Variants in LIPA observed in about 807,000 individuals in gnomAD.
The protein encoded by LIPA is lysosomal acid lipase/cholesteryl ester hydrolase.
Under a neutral mutation model 40.6 loss-of-function variants are expected in LIPA, and 26 were observed. The ratio of observed to expected loss-of-function variants is 0.64; its 90% CI spans 0.47 to 0.89. The LOEUF (loss-of-function observed/expected upper bound fraction) is 0.89, where lower values mean the gene tolerates loss of function less well. Among genes scored for constraint, LIPA ranks in the 40% least tolerant of loss-of-function variants. LIPA has a pLI of 0.00. For synonymous variants in LIPA, 188 were observed against 168.4 expected, an observed-to-expected ratio of 1.12 and a Z score of -0.90; for missense variants, 455 against 479.6, an observed-to-expected ratio of 0.95 and a Z score of 0.48.
intron 3 of LIPA, among the ~76,000 whole-genome samples, chr10:89,233,290 C>CA (rs950956690): frequency 5.3e-5 from 8 of 152,172 alleles, no homozygotes; most frequent in African/African-American, 1.7e-4. Flanking sequence ...CCAAGCACTG[C>CA]AAAGGGTACT....
At position 89,237,911 on chromosome 10, in the gene LIPA, G is replaced by A. The variant is rs562216442; in HGVS notation, c.229+7765C>T. Among the ~76,000 whole-genome samples, 216 of 152,238 alleles carry A rather than the reference G, an allele frequency of 1.4e-3. 1 individual carries two copies. Among genetic ancestry groups the A allele is most frequent in the African/African-American group, 4.9e-3 (205 of 41,538 alleles). ...ATCAGGAGGTCATAAGGACCTTTAA[G>A]GCTCATTACACACATACACTATGGA... is the stretch of plus-strand genomic sequence containing the variant. On this transcript the variant is annotated intron_variant, in intron 3 of 9. Transcript: ENST00000336233.
intron 1 of LIPA, among the ~76,000 whole-genome samples, chr10:89,264,240 G>A (rs1843224195): frequency 6.6e-6 from 1 of 152,192 alleles, no homozygotes; most frequent in African/African-American, 2.4e-5. Context: ...CTGAGTTCTT[G>A]TCCCACATCC....
intron 1 of LIPA, among the ~76,000 whole-genome samples, chr10:89,274,026 A>G (rs555360151): frequency 3.9e-4 from 60 of 152,354 alleles, no homozygotes; most frequent in South Asian, 1.9e-3. Flanking sequence ...TCTTAACAGA[A>G]AAAGTTTGCC....
At position 89,214,925 on chromosome 10, in the gene LIPA, C is replaced by A; in HGVS notation, c.1103G>T (p.Ser368Ile). ...GTCAAGATGCTCCCATTCCGGAATGCTCTCATGGAACACCAAGTTGGTGAT... is the reference window on the plus strand; with the variant it reads ...GTCAAGATGCTCCCATTCCGGAATGATCTCATGGAACACCAAGTTGGTGAT... ...TQITNLVFHE[S>I]IPEWEHLDFI... The change falls in exon 10 of 10, where the codon AGC becomes ATC. Residue 368 changes from serine (S) to isoleucine (I), a missense_variant. Coordinates refer to ENST00000336233, the MANE Select transcript of LIPA (RefSeq NM_000235.4). The A allele has an allele frequency of 1.9e-6, 3 of 1,614,062 alleles. No homozygotes were observed. The South Asian group carries it at 3.3e-5, about 18-fold the overall frequency.
chr10:89,233,519 GTTTCGTGCAAACC>G (rs1328124977), intron 3 of LIPA, among the ~76,000 whole-genome samples: 2 of 152,210 alleles, frequency 1.3e-5, no homozygotes, highest in African/African-American at 4.8e-5. Context: ...CATACATTAC[GTTTCGTGCAAACC>G]TTTAGTGGTG....
chr10:89,365,534 G>T (rs2133594485), intron 2 of LIPA, among the ~76,000 whole-genome samples: 1 of 152,260 alleles, frequency 6.6e-6, no homozygotes, highest in South Asian at 2.1e-4. Flanking sequence ...CCATGCGTAT[G>T]TCCTGAATGG....
At chr10:89,338,709 C>T (rs1235194720) in intron 1 of LIPA, 7 of 1,612,938 alleles carry the variant, frequency 4.3e-6, no homozygotes, top group Non-Finnish European at 5.9e-6. Context: ...AGCTGAAATG[C>T]CATTTCACCT....
intron 1 of LIPA, among the ~76,000 whole-genome samples, chr10:89,323,989 A>G (rs1189106806): frequency 6.6e-6 from 1 of 152,242 alleles, no homozygotes; most frequent in Non-Finnish European, 1.5e-5. Flanking sequence ...CAAAAAGAAC[A>G]AAGCTGGAGG....
In LIPA at chr10:89,351,782, C is replaced by A. The variant is rs185934529; in HGVS notation, c.61+61009G>T. Among the ~76,000 whole-genome samples the A allele has an allele frequency of 2.1e-4, 32 of 152,260 alleles. No homozygotes were observed. The East Asian group carries it at 4.6e-3, about 22-fold the overall frequency. On this transcript the variant is annotated intron_variant, in intron 2 of 8. Transcript: ENST00000371837. ...TTGTCAGGCTTAGAGTCTTAATTGA[C>A]CCACTCAAAAAATACGCGCATCACC...
At chr10:89,339,260 T>TGA (rs1172418500) in intron 1 of LIPA, 2 of 1,614,210 alleles carry the variant, frequency 1.2e-6, no homozygotes, top group South Asian at 2.2e-5. Flanking sequence ...GCCATTGAGC[T>TGA]GAGTCCTGAT....
intron 1 of LIPA, chr10:89,308,108 T>C (rs1843494538): frequency 6.6e-6 from 1 of 152,216 alleles, no homozygotes; most frequent in South Asian, 2.1e-4. Context: ...ATAGTCATAA[T>C]GTAGCAAGTA....
chr10:89,279,785 G>GTAAA (rs1843306066), intron 1 of LIPA, among the ~76,000 whole-genome samples: 1 of 152,178 alleles, frequency 6.6e-6, no homozygotes, highest in Non-Finnish European at 1.5e-5. Flanking sequence ...GTGGGAAATG[G>GTAAA]TAGCCAAGTG....
At chr10:89,312,158 AGGCCAGGTGCAGT>A (rs1370749250) in intron 1 of LIPA, among the ~76,000 whole-genome samples, 1 of 152,178 alleles carries the variant, frequency 6.6e-6, no homozygotes, top group East Asian at 1.9e-4. Flanking sequence ...AATTCAACAA[AGGCCAGGTGCAGT>A]GGCTCACACC....
intron 1 of LIPA, among the ~76,000 whole-genome samples, chr10:89,295,905 G>T (rs145569334): frequency 1.8e-3 from 276 of 152,320 alleles, no homozygotes; most frequent in Non-Finnish European, 2.7e-3. Context: ...TACTAAATCA[G>T]CTGATGCATA....
intron 2 of LIPA, chr10:89,403,594 TGAGCCTCCTTG>T (rs1419132945): frequency 1.9e-6 from 3 of 1,614,056 alleles, no homozygotes; most frequent in Non-Finnish European, 1.7e-6. Flanking sequence ...CTGGAAAGCT[TGAGCCTCCTTG>T]GGTTCGTCTA....
intron 1 of LIPA, chr10:89,283,614 G>A (rs991029600): frequency 2.0e-5 from 3 of 152,034 alleles, no homozygotes; most frequent in Non-Finnish European, 4.4e-5. Flanking sequence ...CCCCCTAAAC[G>A]TTGTTCCAGT....
intron 1 of LIPA, among the ~76,000 whole-genome samples, chr10:89,266,005 G>A (rs1375313459): frequency 2.0e-5 from 3 of 152,142 alleles, no homozygotes; most frequent in South Asian, 2.1e-4. Flanking sequence ...TTTATTCAGC[G>A]TCCCTAAGAA....
chr10:89,375,368 G>T (rs185531418), intron 2 of LIPA, among the ~76,000 whole-genome samples: 2 of 152,262 alleles, frequency 1.3e-5, no homozygotes, highest in East Asian at 3.9e-4. Context: ...AAGGTAAAGG[G>T]TTTTAATAGT....
chr10:89,310,488 T>G (rs1435116090), intron 1 of LIPA, among the ~76,000 whole-genome samples: 4 of 152,172 alleles, frequency 2.6e-5, no homozygotes, highest in African/African-American at 9.7e-5. Flanking sequence ...CAACCTACAT[T>G]TGCCCTATTG....
Sources: gnomAD v4.1 joint callset for allele counts (sites outside exome capture counted in the v4.1 genomes callset) on GRCh38, gnomAD v4.1.1 for gene constraint, MANE v1.5 for transcripts, NCBI Gene and HGNC (gene_info 2026-07-23, HGNC 2026-07-21) for gene names.